Variants in SHC4 observed in about 807,000 individuals in gnomAD.
SHC4 encodes SHC adaptor protein 4.
In SHC4, 41 loss-of-function variants were observed where a neutral mutation model predicts 69.4. The ratio of observed to expected loss-of-function variants is 0.59; its 90% CI spans 0.46 to 0.77. The LOEUF is 0.77. Ranked by LOEUF, SHC4 falls within the 30% of genes least tolerant of loss-of-function variation. The pLI is 0.00. For missense variants in SHC4, 777 were observed against 783.8 expected (o/e 0.99, Z 0.10); for synonymous variants, 318 against 299.3 (o/e 1.06, Z -0.64).
intron 11 of SHC4, among the ~76,000 whole-genome samples, chr15:48,832,078 C>T (rs372422526): frequency 6.6e-6 from 1 of 152,306 alleles, no homozygotes; most frequent in African/African-American, 2.4e-5. Context: ...CAAGACCAGC[C>T]TGGCCAACAT....
intron 1 of SHC4, chr15:48,946,248 A>C (rs1901274289): frequency 6.6e-6 from 1 of 152,178 alleles, no homozygotes; most frequent in Non-Finnish European, 1.5e-5. Context: ...ACTTGCTTAG[A>C]GTTGCTCAGT....
intron 2 of SHC4, among the ~76,000 whole-genome samples, chr15:48,907,705 C>T (rs1900431082): frequency 6.6e-6 from 1 of 151,882 alleles, no homozygotes. Flanking sequence ...TAATAGTCTC[C>T]AGTCTCATCC....
chr15:48,846,229 G>A (rs1899090605), intron 9 of SHC4, among the ~76,000 whole-genome samples: 1 of 152,104 alleles, frequency 6.6e-6, no homozygotes, highest in South Asian at 2.1e-4. Flanking sequence ...TACTATCTGA[G>A]CGGTCTGGGA....
intron 1 of SHC4, among the ~76,000 whole-genome samples, chr15:48,929,582 G>C (rs1042934785): frequency 6.6e-6 from 1 of 152,226 alleles, no homozygotes; most frequent in African/African-American, 2.4e-5. Context: ...AAAGTGAAAA[G>C]AGGAGTTATC....
intron 9 of SHC4, among the ~76,000 whole-genome samples, chr15:48,848,266 G>A (rs1021856505): frequency 3.9e-5 from 6 of 152,054 alleles, no homozygotes; most frequent in South Asian, 2.1e-4. Flanking sequence ...GTTCCTCACC[G>A]GAACTCAGAA....
At chr15:48,838,230 C>T (rs901229048) in intron 10 of SHC4, among the ~76,000 whole-genome samples, 19 of 152,114 alleles carry the variant, frequency 1.2e-4, no homozygotes, top group African/African-American at 4.1e-4. Context: ...AACAAGAAAG[C>T]GGAGCGTTGT....
intron 1 of SHC4, among the ~76,000 whole-genome samples, chr15:48,941,882 C>T (rs1365631857): frequency 6.6e-6 from 1 of 152,124 alleles, no homozygotes; most frequent in Non-Finnish European, 1.5e-5. Flanking sequence ...AATTTTTCAT[C>T]CTTCACCTCC....
intron 3 of SHC4, among the ~76,000 whole-genome samples, chr15:48,889,900 T>C (rs1900105711): frequency 6.6e-6 from 1 of 152,200 alleles, no homozygotes; most frequent in Non-Finnish European, 1.5e-5. Flanking sequence ...TCTGCAATTC[T>C]ATATGATTTA....
At chr15:48,904,722 C>CA (rs769123810) in intron 2 of SHC4, among the ~76,000 whole-genome samples, 111 of 152,036 alleles carry the variant, frequency 7.3e-4, no homozygotes. Context: ...CACACACACA[C>CA]ACAAAAAAAT....
chr15:48,957,402 C>T (rs1029321349), intron 1 of SHC4, among the ~76,000 whole-genome samples: 4 of 152,158 alleles, frequency 2.6e-5, no homozygotes, highest in Admixed American at 2.0e-4. Flanking sequence ...CCTGTATTCT[C>T]CTATGGAAAA....
chr15:48,842,950 G>T (rs1278814408), intron 10 of SHC4, among the ~76,000 whole-genome samples: 1 of 151,990 alleles, frequency 6.6e-6, no homozygotes, highest in African/African-American at 2.4e-5. Context: ...AAGAAAAGAA[G>T]AAGATAAATT....
intron 2 of SHC4, among the ~76,000 whole-genome samples, chr15:48,899,639 A>C (rs1900286303): frequency 6.6e-6 from 1 of 151,794 alleles, no homozygotes; most frequent in Admixed American, 6.6e-5. Flanking sequence ...ATATGTTGTA[A>C]ATTTTTTTGG....
chr15:48,917,438 C>T (rs544137915), intron 2 of SHC4, among the ~76,000 whole-genome samples: 3 of 152,296 alleles, frequency 2.0e-5, no homozygotes, highest in East Asian at 1.9e-4. Context: ...TTTCTCTCTT[C>T]CCTTGTTTCC....
At chr15:48,834,666 T>TA (rs1323298166) in intron 11 of SHC4, 103 bp downstream of exon 11, 1 of 1,497,502 alleles carries the variant, frequency 6.7e-7, no homozygotes, top group African/African-American at 1.4e-5. Context: ...AAAAAGCAAA[T>TA]ACTTAGCCTT....
chr15:48,917,167 T>C (rs1900639084), intron 2 of SHC4, among the ~76,000 whole-genome samples: 1 of 151,882 alleles, frequency 6.6e-6, no homozygotes, highest in Non-Finnish European at 1.5e-5. Flanking sequence ...AAGGAAGATT[T>C]TTTTTCTTCT....
At chr15:48,895,558 TC>T (rs1416458160) in intron 2 of SHC4, among the ~76,000 whole-genome samples, 1 of 152,042 alleles carries the variant, frequency 6.6e-6, no homozygotes, top group Non-Finnish European at 1.5e-5. Context: ...CCCCTGCCCT[TC>T]CCCAGCCCTC....
chr15:48,898,093 C>A (rs1900256356), intron 2 of SHC4, among the ~76,000 whole-genome samples: 1 of 152,194 alleles, frequency 6.6e-6, no homozygotes, highest in Admixed American at 6.5e-5. Context: ...TCATGCTGTT[C>A]TCATTGTTCT....
intron 8 of SHC4, among the ~76,000 whole-genome samples, 160 bp downstream of exon 8, chr15:48,855,793 T>C (rs1320558269): frequency 6.6e-6 from 1 of 152,044 alleles, no homozygotes. Context: ...GGAGTAAAAA[T>C]GATCTAGTGT....
At chr15:48,917,528 T>A (rs1900649095) in intron 2 of SHC4, among the ~76,000 whole-genome samples, 1 of 152,160 alleles carries the variant, frequency 6.6e-6, no homozygotes, top group Non-Finnish European at 1.5e-5. Context: ...TTCTCTTTAC[T>A]ATCAGTAAAA....
Sources: gnomAD v4.1 joint callset for allele counts (sites outside exome capture counted in the v4.1 genomes callset) on GRCh38, gnomAD v4.1.1 for gene constraint, MANE v1.5 for transcripts, NCBI Gene and HGNC (gene_info 2026-07-23, HGNC 2026-07-21) for gene names.